The following MYOM1 variants were observed in gnomAD, a reference collection of about 807,000 sequenced individuals.
MYOM1 encodes myomesin-1.
MYOM1 carries 164 observed loss-of-function variants against 205.3 expected under a neutral mutation model. That is an observed-to-expected ratio of 0.80 (90% CI 0.70 to 0.91). The LOEUF (loss-of-function observed/expected upper bound fraction) is 0.91, where lower values mean the gene tolerates loss of function less well. Among genes scored for constraint, MYOM1 ranks in the 40% least tolerant of loss-of-function variants. The pLI, the probability that MYOM1 is intolerant of heterozygous loss-of-function variation, is 0.00. For synonymous variants in MYOM1, 772 were observed against 789.4 expected, an observed-to-expected ratio of 0.98 and a Z score of 0.37; for missense variants, 2,011 against 2,127.3, an observed-to-expected ratio of 0.95 and a Z score of 1.08.
rs1173923339 is a variant in MYOM1 at position 3,079,065 on chromosome 18, G to A, written c.4648+114C>T. ...TGACTTCAAGTCATCCTCCTGCCTT[G>A]GCCTCTCAAGGTGTTGGGATTACAG... On this transcript the variant is annotated intron_variant, in intron 34 of 37. Transcript: ENST00000356443. The A allele has an allele frequency of 1.8e-5, 18 of 1,002,490 alleles. No homozygotes were observed. The Admixed American group carries it at 3.3e-4, about 18-fold the overall frequency. 62.1% of individuals were successfully genotyped at this position (1,002,490 alleles called of 1,614,324 possible).
chr18:3,125,759 G>A (rs2079771234), intron 19 of MYOM1, among the ~76,000 whole-genome samples: 1 of 152,148 alleles, frequency 6.6e-6, no homozygotes, highest in African/African-American at 2.4e-5. Flanking sequence ...AGCTGATGAA[G>A]CTCTAGAGAA....
At chr18:3,242,256 G>A in the MYOM1 span, among the ~76,000 whole-genome samples, 3 of 152,126 alleles carry the variant, frequency 2.0e-5, no homozygotes, top group Admixed American at 6.5e-5. Flanking sequence ...AAATTCCCAC[G>A]TGTTGTGGGA....
Position 3,168,733 on chromosome 18 carries a change from C to T in MYOM1, c.1339+84G>A. The T allele has an allele frequency of 1.4e-6, 2 of 1,435,066 alleles. 1 individual carries two copies. Among genetic ancestry groups the T allele is most frequent in the South Asian group, 2.6e-5 (2 of 77,844 alleles). The allele number at this position is 1,435,066 out of a possible 1,614,324, so 88.9% of individuals were successfully genotyped here. On this transcript the variant is annotated intron_variant, in intron 9 of 37. Coordinates refer to ENST00000356443, the MANE Select transcript of MYOM1 (RefSeq NM_003803.4). ...GGTAGTCCCTTCTAACTTCCAGATTCCACCAGCTCCGATAAACAGATCTGC... is the reference window on the plus strand; with the variant it reads ...GGTAGTCCCTTCTAACTTCCAGATTTCACCAGCTCCGATAAACAGATCTGC...
rs768863215 is a variant in MYOM1 at position 3,090,719 on chromosome 18, G to T, written c.3948C>A (p.Tyr1316Ter). 6.2e-7 allele frequency: 1 copy of T among 1,613,876 alleles called. No individual in the cohort carries two copies. Among genetic ancestry groups the T allele is most frequent in the South Asian group, 1.1e-5 (1 of 91,068 alleles). Residue 1316 changes from tyrosine (Y) to a stop codon, truncating the protein, a stop_gained, in exon 27 of 38, where the codon TAC becomes TAA. Coordinates refer to ENST00000356443, the MANE Select transcript of MYOM1 (RefSeq NM_003803.4). LOFTEE classifies it high-confidence loss of function. Reference protein sequence around the residue: ...EKLQDEDEGTYTFQLQDGKAT... With the variant: ...EKLQDEDEGT ...CTTTTCCATCTTGAAGCTGGAAAGT[G>T]TACGTTCCCTCATCCTCATCCTGTA...
At chr18:3,096,079 A>T (rs1275070089) in intron 25 of MYOM1, among the ~76,000 whole-genome samples, 1 of 152,148 alleles carries the variant, frequency 6.6e-6, no homozygotes, top group African/African-American at 2.4e-5. Context: ...CTGAGTCCTG[A>T]GAACATCGTC....
rs1567888327 is a variant in MYOM1 at position 3,070,735 on chromosome 18, T to TG, written c.4764+1098_4764+1099insC. On this transcript the variant is annotated intron_variant, in intron 37 of 37. Coordinates refer to ENST00000356443, the MANE Select transcript of MYOM1 (RefSeq NM_003803.4). Reference sequence around the variant, plus strand: ...GGAAAGAAACCAGAGGTGCATGTTCTTTGTGTGTGTGTGTGTGTGTGTGTG... The same window carrying TG: ...GGAAAGAAACCAGAGGTGCATGTTCTGTTGTGTGTGTGTGTGTGTGTGTGTG... 7.4e-5 allele frequency among the ~76,000 whole-genome samples: 7 copies of TG among 94,444 alleles called. No individual in the cohort carries two copies. In the South Asian group the frequency reaches 1.4e-3, roughly 18 times the overall value. The allele number at this position is 94,444 out of a possible 152,430, so 62.0% of individuals were successfully genotyped here. A position where few individuals can be genotyped will look rare whatever the true frequency, so the allele number is the denominator to read the frequency against.
Position 3,139,282 on chromosome 18 carries a change from G to A in MYOM1, c.2025+2657C>T, listed in dbSNP as rs539091400. 3.7e-4 allele frequency among the ~76,000 whole-genome samples: 56 copies of A among 152,284 alleles called. 1 individual carries two copies. In the South Asian group the frequency reaches 0.011, roughly 30 times the overall value. ...GTGATACAGTCCTTGTCTCTGACAC[G>A]ACCAGATTTTTGATAGGGGAGTGAG... On this transcript the variant is annotated intron_variant, in intron 14 of 37. Coordinates refer to ENST00000356443, the MANE Select transcript of MYOM1 (RefSeq NM_003803.4).
At chr18:3,214,397 C>T (rs776282658) in intron 2 of MYOM1, among the ~76,000 whole-genome samples, 13 of 152,148 alleles carry the variant, frequency 8.5e-5, no homozygotes, top group Non-Finnish European at 2.9e-5. Flanking sequence ...GCAAGACTCG[C>T]CCGTGAGAAC....
intron 23 of MYOM1, among the ~76,000 whole-genome samples, chr18:3,102,095 G>C (rs1054332420): frequency 6.8e-6 from 1 of 147,670 alleles, no homozygotes; most frequent in African/African-American, 2.5e-5. Context: ...TCCGCCTTCC[G>C]GGTTCACGCC....
chr18:3,094,587 C>A lies in MYOM1; in HGVS notation c.3728-281G>T, dbSNP rs78384134. Reference sequence around the variant, plus strand: ...AAAAATGAGGAAGATGAACTTACCTCTAGGGGCATAGGGGCACTTGTAGCT... The same window carrying A: ...AAAAATGAGGAAGATGAACTTACCTATAGGGGCATAGGGGCACTTGTAGCT... On this transcript the variant is annotated intron_variant, in intron 25 of 37. Coordinates refer to ENST00000356443, the MANE Select transcript of MYOM1 (RefSeq NM_003803.4). Among the ~76,000 whole-genome samples the A allele has an allele frequency of 2.3e-3, 350 of 152,112 alleles. 9 individuals are homozygous for A. The East Asian group carries it at 0.053, about 23-fold the overall frequency.
intron 11 of MYOM1, 102 bp downstream of exon 11, chr18:3,154,845 G>A: frequency 7.6e-7 from 1 of 1,314,996 alleles, no homozygotes. Context: ...AGGAGGAGAG[G>A]AAAGCCAGAA....
intron 14 of MYOM1, among the ~76,000 whole-genome samples, chr18:3,140,574 A>G (rs2080034383): frequency 6.6e-6 from 1 of 152,228 alleles, no homozygotes; most frequent in Non-Finnish European, 1.5e-5. Flanking sequence ...TTTGCTAGGA[A>G]TAAAAAGGAA....
rs1310474962 is a variant in MYOM1, at chr18:3,187,509, T to C, written c.900A>G (p.Ile300Met). The C allele has an allele frequency of 1.9e-6, 3 of 1,613,968 alleles. No individual in the cohort carries two copies. The highest frequency in any genetic ancestry group is 2.5e-6 in the Non-Finnish European group (3 of 1,179,854). The change falls in exon 5 of 38, where the codon ATA (isoleucine) becomes ATG (methionine). Residue 300 changes from isoleucine (I) to methionine (M), a missense_variant. Ile to Met is a conservative substitution (Grantham distance 10). Transcript: ENST00000356443. ...EKENVKLHCSIAGWPEPRVTW... is the reference protein window; with the variant it reads ...EKENVKLHCSMAGWPEPRVTW... ...TGACACGAGGTTCTGGCCAGCCTGC[T>C]ATGGAGCAATGCAATTTTACATTCT...
rs776158670 is a variant in MYOM1 at position 3,151,866 on chromosome 18, C to T, written c.1671G>A (p.Ser557=). 9.3e-6 allele frequency: 15 copies of T among 1,612,534 alleles called. No homozygotes were observed. Among genetic ancestry groups the T allele is most frequent in the African/African-American group, 4.0e-5 (3 of 74,880 alleles). Residue 557 remains serine (S), a synonymous_variant, in exon 12 of 38, where the codon TCG becomes TCA. Coordinates refer to ENST00000356443, the MANE Select transcript of MYOM1 (RefSeq NM_003803.4). The part of the protein sequence containing the change: ...DKCEVGTDSW[S]QCNDTPVKFA... ...ACTTCACAGGTGTGTCATTGCACTG[C>T]GACCAGCTATCTGTGCCCACCTCAC... is the stretch of plus-strand genomic sequence containing the variant.
chr18:3,176,004 C>A, intron 6 of MYOM1, 38 bp downstream of exon 6: 1 of 1,305,930 alleles, frequency 7.7e-7, no homozygotes, highest in East Asian at 2.3e-5. Flanking sequence ...CCTCCCTGAG[C>A]AATGGTGAGC....
rs770278592 is a variant in MYOM1, at chr18:3,072,973, A to ATTT, written c.4709-1087_4709-1085dup. On this transcript the variant is annotated intron_variant, in intron 36 of 37. Transcript: ENST00000356443. ...ATTGGAGGCTCATGCAGATGTAAGC[A>ATTT]TTTTTTTTTTTTTTTTTTTTTTTTA... 9.0e-3 allele frequency among the ~76,000 whole-genome samples: 917 copies of ATTT among 102,408 alleles called. 22 individuals are homozygous for ATTT. The highest frequency in any genetic ancestry group is 0.024 in the African/African-American group (630 of 26,228). The allele number at this position is 102,408 out of a possible 152,430, so 67.2% of individuals were successfully genotyped here.
At chr18:3,233,325 G>A in the MYOM1 span, among the ~76,000 whole-genome samples, 96 of 152,282 alleles carry the variant, frequency 6.3e-4, no homozygotes, top group Middle Eastern at 0.01. Context: ...TTGTTCCAAA[G>A]TTCTTAAAGT....
chr18:3,130,290 G>A (rs1277086960), intron 17 of MYOM1, among the ~76,000 whole-genome samples: 3 of 151,976 alleles, frequency 2.0e-5, no homozygotes, highest in Non-Finnish European at 4.4e-5. Flanking sequence ...TGATCCACCC[G>A]CCTTAGCCTC....
At chr18:3,104,436 A>G (rs1239678443) in intron 22 of MYOM1, among the ~76,000 whole-genome samples, 1 of 152,216 alleles carries the variant, frequency 6.6e-6, no homozygotes, top group Non-Finnish European at 1.5e-5. Flanking sequence ...TGAATCATCC[A>G]TATGCTTGTT....
Sources: allele counts gnomAD v4.1 joint callset (sites outside exome capture counted in the v4.1 genomes callset), GRCh38; gene constraint gnomAD v4.1.1; transcripts MANE v1.5; gene names NCBI Gene and HGNC (gene_info 2026-07-23, HGNC 2026-07-21).